The following WWOX variants were observed in gnomAD, a reference collection of about 807,000 sequenced individuals.
WWOX encodes the protein WW domain containing oxidoreductase.
WWOX carries 69 observed loss-of-function variants against 46.2 expected under a neutral mutation model. The observed-to-expected ratio is 1.49, with a 90% CI of 1.23 to 1.82. The LOEUF (loss-of-function observed/expected upper bound fraction) is 1.82. WWOX is among the 40% of genes most tolerant of loss of function. The pLI is 0.00. For missense variants in WWOX, 919 were observed against 542.6 expected (o/e 1.69, Z -6.89); for synonymous variants, 359 against 202.6 (o/e 1.77, Z -6.56).
chr16:78,109,883 G>A, intron 3 of WWOX, 48 bp downstream of exon 3: 1 of 1,593,390 alleles, frequency 6.3e-7, no homozygotes, highest in South Asian at 1.1e-5. Flanking sequence ...CTTTTTAATA[G>A]GAATTTTTAA....
chr16:78,543,708 C>G (rs1050839984), intron 8 of WWOX, among the ~76,000 whole-genome samples: 1 of 152,128 alleles, frequency 6.6e-6, no homozygotes, highest in Non-Finnish European at 1.5e-5. Flanking sequence ...CTTTTGTGCT[C>G]CTTGTCTTGT....
At chr16:78,998,895 C>G (rs1323211135) in intron 8 of WWOX, among the ~76,000 whole-genome samples, 1 of 152,180 alleles carries the variant, frequency 6.6e-6, no homozygotes, top group African/African-American at 2.4e-5. Context: ...CGGTGTCCGA[C>G]TTTGTTATTG....
intron 8 of WWOX, among the ~76,000 whole-genome samples, chr16:78,618,452 C>T (rs887854299): frequency 2.0e-5 from 3 of 152,096 alleles, no homozygotes; most frequent in African/African-American, 7.2e-5. Context: ...CATGGTCTTC[C>T]CTCTGTGTGC....
intron 8 of WWOX, among the ~76,000 whole-genome samples, chr16:79,058,992 C>T (rs9972758): frequency 0.46 from 70,109 of 151,894 alleles, 16,861 homozygotes; most frequent in Non-Finnish European, 0.53. Context: ...AAAACAATGA[C>T]TATTATACAG....
At chr16:79,062,568 T>C (rs569043068) in intron 8 of WWOX, among the ~76,000 whole-genome samples, 181 of 152,220 alleles carry the variant, frequency 1.2e-3, no homozygotes, top group African/African-American at 4.2e-3. Flanking sequence ...TAATCTGATA[T>C]AAAACAGCAG....
intron 4 of WWOX, among the ~76,000 whole-genome samples, chr16:78,145,215 C>T (rs1294462182): frequency 6.6e-6 from 1 of 152,034 alleles, no homozygotes; most frequent in Non-Finnish European, 1.5e-5. Flanking sequence ...TCTAGAGGGG[C>T]AGAATAGGAT....
In WWOX at chr16:78,548,179, T is replaced by TTCAAAA. The variant is rs57060863; in HGVS notation, c.1056+115428_1056+115429insCAAAAT. Among the ~76,000 whole-genome samples the TTCAAAA allele has an allele frequency of 5.0e-5, 6 of 119,410 alleles. 2 individuals are homozygous for TTCAAAA. The highest frequency in any genetic ancestry group is 3.1e-5 in the African/African-American group (1 of 32,168). 78.3% of individuals were successfully genotyped at this position (119,410 alleles called of 152,430 possible). A position where few individuals can be genotyped will look rare whatever the true frequency, so the allele number is the denominator to read the frequency against. On this transcript the variant is annotated intron_variant, in intron 8 of 8. Transcript: ENST00000566780. Reference sequence around the variant, plus strand: ...AAAAAAAAAAAAAAAAAAAAAAAAATTACGAATTTTGCGAGGACGCAAACA... The same window carrying TTCAAAA: ...AAAAAAAAAAAAAAAAAAAAAAAAATTCAAAATACGAATTTTGCGAGGACGCAAACA...
intron 8 of WWOX, among the ~76,000 whole-genome samples, chr16:78,476,906 C>T (rs1262127605): frequency 6.6e-6 from 1 of 152,090 alleles, no homozygotes; most frequent in Non-Finnish European, 1.5e-5. Context: ...CTTCTCTCCC[C>T]TCTCCCCCTT....
intron 8 of WWOX, among the ~76,000 whole-genome samples, chr16:78,718,092 G>GTTTTTTTTTTTTTTTTTTTTT: frequency 2.9e-5 from 4 of 139,608 alleles, no homozygotes; most frequent in African/African-American, 8.7e-5. Context: ...GGTTCTGGTG[G>GTTTTTTTTTTTTTTTTTTTTT]TTGTATTTTT....
intron 8 of WWOX, among the ~76,000 whole-genome samples, chr16:78,618,516 G>C (rs2046086521): frequency 6.6e-6 from 1 of 152,182 alleles, no homozygotes; most frequent in Admixed American, 6.5e-5. Flanking sequence ...TTGGATTAGG[G>C]TCCACCATAT....
chr16:78,972,598 A>C (rs184056995), intron 8 of WWOX, among the ~76,000 whole-genome samples: 1 of 152,082 alleles, frequency 6.6e-6, no homozygotes, highest in East Asian at 1.9e-4. Context: ...ATTTACATTG[A>C]ATGGCACATG....
At chr16:78,370,289 C>T (rs1227367777) in intron 5 of WWOX, among the ~76,000 whole-genome samples, 1 of 152,088 alleles carries the variant, frequency 6.6e-6, no homozygotes. Flanking sequence ...GATGATATTA[C>T]CACTTACCTC....
At chr16:78,542,458 A>ATT (rs1398896318) in intron 8 of WWOX, among the ~76,000 whole-genome samples, 2 of 152,002 alleles carry the variant, frequency 1.3e-5, no homozygotes, top group Admixed American at 1.3e-4. Context: ...TTGGTCCCAG[A>ATT]TTTTTTTTGT....
chr16:78,490,941 C>T (rs898449410), intron 8 of WWOX, among the ~76,000 whole-genome samples: 26 of 152,150 alleles, frequency 1.7e-4, no homozygotes, highest in African/African-American at 5.1e-4. Flanking sequence ...AGAGGCATCA[C>T]GGGCAACTCG....
intron 8 of WWOX, among the ~76,000 whole-genome samples, chr16:78,985,856 G>C (rs2046774599): frequency 6.6e-6 from 1 of 152,226 alleles, no homozygotes; most frequent in African/African-American, 2.4e-5. Flanking sequence ...AGAAGTTGCA[G>C]CTCATGCCTG....
intron 5 of WWOX, among the ~76,000 whole-genome samples, chr16:78,189,687 C>A (rs2035820368): frequency 6.6e-6 from 1 of 152,044 alleles, no homozygotes; most frequent in African/African-American, 2.4e-5. Flanking sequence ...TGGAGTCTTG[C>A]TGTGTCTCCC....
At chr16:78,133,680 G>A (rs1203204293) in intron 4 of WWOX, among the ~76,000 whole-genome samples, 2 of 152,204 alleles carry the variant, frequency 1.3e-5, no homozygotes, top group Non-Finnish European at 2.9e-5. Flanking sequence ...ACAGACATGA[G>A]CCACCATGCC....
intron 8 of WWOX, among the ~76,000 whole-genome samples, chr16:79,029,039 C>T (rs1368391150): frequency 6.7e-6 from 1 of 149,050 alleles, no homozygotes; most frequent in African/African-American, 2.6e-5. Context: ...GGATGACCTG[C>T]CAAAGGGTTG....
chr16:78,731,839 CTTTCTCTTTTTT>C (rs1450643306), intron 8 of WWOX, among the ~76,000 whole-genome samples: 2 of 111,498 alleles, frequency 1.8e-5, no homozygotes, highest in Admixed American at 1.7e-4. Context: ...AATTTTTTTT[CTTTCTCTTTTTT>C]TTTTTTTTTT....
Sources: gnomAD v4.1 joint callset for allele counts (sites outside exome capture counted in the v4.1 genomes callset) on GRCh38, gnomAD v4.1.1 for gene constraint, MANE v1.5 for transcripts, NCBI Gene and HGNC (gene_info 2026-07-23, HGNC 2026-07-21) for gene names.